The following TSPAN18 variants were observed in gnomAD, a reference collection of about 807,000 sequenced individuals.
TSPAN18 encodes the protein tetraspanin-18.
A neutral mutation model predicts 27.3 loss-of-function variants in TSPAN18; 14 were observed. That is an observed-to-expected ratio of 0.51 (90% CI 0.34 to 0.80). The LOEUF (loss-of-function observed/expected upper bound fraction) is 0.80. Ranked by LOEUF, TSPAN18 falls within the 30% of genes least tolerant of loss-of-function variation. The pLI, the probability that TSPAN18 is intolerant of heterozygous loss-of-function variation, is 0.01. For missense variants in TSPAN18, 268 were observed against 323.9 expected, an observed-to-expected ratio of 0.83 and a Z score of 1.32; for synonymous variants, 143 against 136.5, an observed-to-expected ratio of 1.05 and a Z score of -0.33.
chr11:44,732,202 C>G (rs1854678750), intron 1 of TSPAN18, among the ~76,000 whole-genome samples: 1 of 152,260 alleles, frequency 6.6e-6, no homozygotes, highest in Non-Finnish European at 1.5e-5. Context: ...CAGGCTGGGC[C>G]TCTGCCTCAT....
rs188658272 is a variant in TSPAN18, at chr11:44,928,689, G to A, written c.700-442G>A. Among the ~76,000 whole-genome samples the A allele has an allele frequency of 6.6e-5, 10 of 152,294 alleles. No homozygotes were observed. In the East Asian group the frequency reaches 1.5e-3, roughly 24 times the overall value. ...TAGTCCCAGCTACTCAGGAGGCTGA[G>A]GCAGGAGAATTGCTTGAACCTGGGA... On this transcript the variant is annotated intron_variant, in intron 9 of 9. Coordinates refer to ENST00000520358, the MANE Select transcript of TSPAN18 (RefSeq NM_130783.5).
intron 2 of TSPAN18, among the ~76,000 whole-genome samples, chr11:44,842,032 C>T (rs1590563073): frequency 6.6e-6 from 1 of 152,108 alleles, no homozygotes; most frequent in East Asian, 1.9e-4. Context: ...GAAACTGAGC[C>T]CCAGAGGTGG....
intron 4 of TSPAN18, among the ~76,000 whole-genome samples, chr11:44,908,521 C>T (rs1457996919): frequency 4.6e-5 from 7 of 151,666 alleles, no homozygotes; most frequent in Non-Finnish European, 1.0e-4. Context: ...ATCACTTGAG[C>T]CCAGGAGTTT....
rs1859879772 is a variant in TSPAN18 at position 44,915,690 on chromosome 11, G to A, written c.259-2282G>A. On this transcript the variant is annotated intron_variant, in intron 5 of 9. Transcript: ENST00000520358. ...TCCCTGAGCCTCGCCCTGCATCAGG[G>A]AGCAGACACAGCCTGGCGCTCTGAA... Among the ~76,000 whole-genome samples the A allele has an allele frequency of 3.3e-5, 5 of 152,202 alleles. No homozygotes were observed. In the South Asian group the frequency reaches 1.0e-3, roughly 31 times the overall value.
intron 3 of TSPAN18, among the ~76,000 whole-genome samples, chr11:44,904,766 G>A (rs1436530526): frequency 6.6e-6 from 1 of 152,186 alleles, no homozygotes; most frequent in East Asian, 1.9e-4. Flanking sequence ...ATGATACGAG[G>A]GTGCTGGTCT....
chr11:44,894,305 C>T (rs781495384), intron 3 of TSPAN18, among the ~76,000 whole-genome samples: 4 of 152,236 alleles, frequency 2.6e-5, no homozygotes, highest in African/African-American at 7.2e-5. Context: ...GGGGAACACA[C>T]GGTCCTCTGA....
intron 9 of TSPAN18, among the ~76,000 whole-genome samples, chr11:44,928,113 T>C (rs933788128): frequency 2.0e-5 from 3 of 152,108 alleles, no homozygotes; most frequent in African/African-American, 4.8e-5. Flanking sequence ...CCTCAGCTAC[T>C]TGCAATGAGC....
At chr11:44,793,950 G>A (rs1250261796) in intron 2 of TSPAN18, among the ~76,000 whole-genome samples, 1 of 151,838 alleles carries the variant, frequency 6.6e-6, no homozygotes, top group Non-Finnish European at 1.5e-5. Flanking sequence ...CAAGCCGCCT[G>A]TATTTTTTTC....
intron 2 of TSPAN18, among the ~76,000 whole-genome samples, chr11:44,777,746 T>TC (rs1159410083): frequency 6.6e-6 from 1 of 152,104 alleles, no homozygotes; most frequent in East Asian, 1.9e-4. Context: ...GCCTCCCACC[T>TC]CCCCCCCTTT....
intron 3 of TSPAN18, chr11:44,886,382 C>G (rs1339086066): frequency 6.6e-6 from 1 of 152,206 alleles, no homozygotes; most frequent in Non-Finnish European, 1.5e-5. Flanking sequence ...GCAGTAAAAT[C>G]AAATGCGCGC....
intron 2 of TSPAN18, among the ~76,000 whole-genome samples, chr11:44,825,218 G>A (rs954613605): frequency 1.3e-5 from 2 of 152,052 alleles, no homozygotes; most frequent in African/African-American, 2.4e-5. Flanking sequence ...TGAAGGACAC[G>A]TAGAAGGCAA....
chr11:44,737,271 G>A (rs182918220), intron 1 of TSPAN18, among the ~76,000 whole-genome samples: 4 of 152,314 alleles, frequency 2.6e-5, no homozygotes, highest in African/African-American at 9.6e-5. Flanking sequence ...TGGACCCAAA[G>A]GACAAGCTGG....
intron 2 of TSPAN18, among the ~76,000 whole-genome samples, chr11:44,786,623 CTT>C (rs528871558): frequency 0.72 from 71,040 of 98,258 alleles, 27,850 homozygotes; most frequent in Non-Finnish European, 0.88. Flanking sequence ...TATCCACTTA[CTT>C]TTTTTTTTTT....
chr11:44,800,902 C>T (rs1372046199), intron 2 of TSPAN18, among the ~76,000 whole-genome samples: 1 of 152,186 alleles, frequency 6.6e-6, no homozygotes, highest in Non-Finnish European at 1.5e-5. Context: ...TGAGTCTTTA[C>T]CATGCAGGGG....
At chr11:44,791,791 G>A (rs1856230294) in intron 2 of TSPAN18, among the ~76,000 whole-genome samples, 1 of 152,226 alleles carries the variant, frequency 6.6e-6, no homozygotes, top group South Asian at 2.1e-4. Context: ...CTCCCTGGCT[G>A]TAGCACTCAA....
At chr11:44,791,750 G>T in intron 2 of TSPAN18, among the ~76,000 whole-genome samples, 1 of 152,196 alleles carries the variant, frequency 6.6e-6, no homozygotes, top group East Asian at 1.9e-4. Context: ...GAGGGCTCAC[G>T]GAGGGCTCGT....
chr11:44,908,769 G>GAAAGAAAGAAAAGGAAAGAA (rs1554938043), intron 4 of TSPAN18, among the ~76,000 whole-genome samples: 1 of 71,620 alleles, frequency 1.4e-5, no homozygotes, highest in East Asian at 4.4e-4. Context: ...AGAGAGAAAG[G>GAAAGAAAGAAAAGGAAAGAA]AGAAAGAAAG....
rs192396712 is a variant in TSPAN18 at position 44,790,129 on chromosome 11, G to T, written c.-153+25617G>T. On this transcript the variant is annotated intron_variant, in intron 2 of 9. Coordinates refer to ENST00000520358, the MANE Select transcript of TSPAN18 (RefSeq NM_130783.5). ...CTGGGCTCTAAGGGGTGTGACTGCT[G>T]CATGTTTCCACCCGCGTGTGTGCAT... Among the ~76,000 whole-genome samples the T allele has an allele frequency of 1.1e-3, 174 of 152,330 alleles. 1 individual carries two copies. The highest frequency in any genetic ancestry group is 4.1e-3 in the African/African-American group (170 of 41,582).
At chr11:44,901,777 G>C (rs1346036217) in intron 3 of TSPAN18, among the ~76,000 whole-genome samples, 1 of 152,202 alleles carries the variant, frequency 6.6e-6, no homozygotes, top group Non-Finnish European at 1.5e-5. Context: ...GTGGAGTTGG[G>C]TGAGTGGTGT....
Sources: gnomAD v4.1 joint callset for allele counts (sites outside exome capture counted in the v4.1 genomes callset) on GRCh38, gnomAD v4.1.1 for gene constraint, MANE v1.5 for transcripts, NCBI Gene and HGNC (gene_info 2026-07-23, HGNC 2026-07-21) for gene names.